SYNPR: variants seen among roughly 807,000 people sequenced by gnomAD.
SYNPR encodes synaptoporin.
In SYNPR, 23 loss-of-function variants were observed where a neutral mutation model predicts 32.9. The observed-to-expected ratio is 0.70, with a 90% CI of 0.50 to 0.99. The LOEUF (loss-of-function observed/expected upper bound fraction) is 0.99. Among genes scored for constraint, SYNPR ranks in the 50% least tolerant of loss-of-function variants. The pLI is 0.00. For missense variants in SYNPR, 318 were observed against 349.3 expected, an observed-to-expected ratio of 0.91 and a Z score of 0.71; for synonymous variants, 146 against 135.9, an observed-to-expected ratio of 1.07 and a Z score of -0.52.
At chr3:63,611,615 T>C (rs2106907286) in intron 5 of SYNPR, among the ~76,000 whole-genome samples, 1 of 152,346 alleles carries the variant, frequency 6.6e-6, no homozygotes, top group East Asian at 1.9e-4. Flanking sequence ...CTCATCTCTC[T>C]TTCTTTCTGT....
chr3:63,545,305 G>C lies in SYNPR; in HGVS notation c.210-11238G>C, dbSNP rs150238231. ...ATTTTCAGCACTAGGTCACCAAAGTGATGGGGTTTAGTAAATCTTAACATT... is the reference window on the plus strand; with the variant it reads ...ATTTTCAGCACTAGGTCACCAAAGTCATGGGGTTTAGTAAATCTTAACATT... On this transcript the variant is annotated intron_variant, in intron 3 of 5. Coordinates refer to ENST00000478300, the MANE Select transcript of SYNPR (RefSeq NM_001130003.2). The C allele has an allele frequency of 4.7e-4, 71 of 152,220 alleles. No homozygotes were observed. In the East Asian group the frequency reaches 0.012, roughly 26 times the overall value. The allele number at this position is 152,220 out of a possible 1,614,324, so 9.4% of individuals were successfully genotyped here.
At chr3:63,560,839 C>T (rs1040175140) in intron 4 of SYNPR, among the ~76,000 whole-genome samples, 1 of 152,176 alleles carries the variant, frequency 6.6e-6, no homozygotes. Context: ...CACCTCCCAC[C>T]AGGTCTCTCC....
chr3:63,419,454 A>G (rs769771524), intron 2 of SYNPR, among the ~76,000 whole-genome samples: 3 of 152,216 alleles, frequency 2.0e-5, no homozygotes, highest in African/African-American at 4.8e-5. Flanking sequence ...TTGGTGACAG[A>G]GCTACCCCAA....
intron 4 of SYNPR, among the ~76,000 whole-genome samples, chr3:63,596,364 T>C (rs1445519937): frequency 7.1e-6 from 1 of 140,954 alleles, no homozygotes; most frequent in Non-Finnish European, 1.5e-5. Context: ...CCTCCTCCTG[T>C]CTCCCCCTCT....
intron 4 of SYNPR, among the ~76,000 whole-genome samples, chr3:63,598,447 G>A (rs148030275): frequency 2.0e-5 from 3 of 152,306 alleles, no homozygotes; most frequent in South Asian, 4.1e-4. Context: ...AAACCAGGCT[G>A]CTTCCTTGAT....
chr3:63,531,838 C>A (rs1702117996), intron 3 of SYNPR, among the ~76,000 whole-genome samples: 1 of 152,114 alleles, frequency 6.6e-6, no homozygotes, highest in South Asian at 2.1e-4. Flanking sequence ...CTGAACCTAG[C>A]TGTAAACTTA....
At chr3:63,473,414 T>C (rs979817826) in intron 2 of SYNPR, among the ~76,000 whole-genome samples, 2 of 152,176 alleles carry the variant, frequency 1.3e-5, no homozygotes, top group Non-Finnish European at 2.9e-5. Context: ...ATTGATTGTA[T>C]TTCTTTTTAG....
chr3:63,593,717 C>G (rs1308445015), intron 4 of SYNPR, among the ~76,000 whole-genome samples: 1 of 152,182 alleles, frequency 6.6e-6, no homozygotes, highest in Non-Finnish European at 1.5e-5. Flanking sequence ...AGATGATTGA[C>G]TATTACCCAG....
At position 63,377,534 on chromosome 3, in the gene SYNPR, T is replaced by G. The variant is rs536775131; in HGVS notation, c.84+98792T>G. ...TTTTATGGAATCCCATACTTTGAGT[T>G]AAGATCTTTCTTTCAGTATGCTACC... On this transcript the variant is annotated intron_variant, in intron 2 of 5. Coordinates refer to ENST00000478300, the MANE Select transcript of SYNPR (RefSeq NM_001130003.2). Among the ~76,000 whole-genome samples, 7 of 152,214 alleles carry G rather than the reference T, an allele frequency of 4.6e-5. No individual in the cohort carries two copies. The South Asian group carries it at 1.4e-3, about 32-fold the overall frequency.
chr3:63,252,872 C>G (rs2086345669), intron 2 of SYNPR, among the ~76,000 whole-genome samples: 1 of 151,926 alleles, frequency 6.6e-6, no homozygotes, highest in African/African-American at 2.4e-5. Flanking sequence ...GAAACTGTCT[C>G]TACTAAAAAT....
chr3:63,283,555 A>T (rs2086650663), intron 2 of SYNPR, among the ~76,000 whole-genome samples: 2 of 152,114 alleles, frequency 1.3e-5, no homozygotes, highest in Non-Finnish European at 2.9e-5. Context: ...TGTATATATT[A>T]AACTTACCCT....
At chr3:63,540,244 T>C (rs922796695) in intron 3 of SYNPR, among the ~76,000 whole-genome samples, 2 of 152,130 alleles carry the variant, frequency 1.3e-5, no homozygotes, top group African/African-American at 4.8e-5. Context: ...CCTTAATTAT[T>C]AGGTAGCAAA....
chr3:63,530,552 T>A (rs182101583), intron 3 of SYNPR, among the ~76,000 whole-genome samples: 1 of 152,212 alleles, frequency 6.6e-6, no homozygotes, highest in South Asian at 2.1e-4. Context: ...AAGTAGCAGA[T>A]GGGAAGCATG....
Position 63,536,332 on chromosome 3 carries a change from G to A in SYNPR, c.210-20211G>A, listed in dbSNP as rs188117747. Among the ~76,000 whole-genome samples the A allele has an allele frequency of 7.2e-5, 11 of 152,156 alleles. No homozygotes were observed. In the East Asian group the frequency reaches 2.1e-3, roughly 29 times the overall value. On this transcript the variant is annotated intron_variant, in intron 3 of 5. Transcript: ENST00000478300. The stretch of plus-strand genomic sequence containing the variant: ...ACTTGAGTAGACATTCATCCAAGAA[G>A]ATATACAAATAGCCAAAAAGCACAT...
chr3:63,203,066 G>GTGTGTGTA, the SYNPR span, among the ~76,000 whole-genome samples: 206 of 12,214 alleles, frequency 0.017, 9 homozygotes, highest in African/African-American at 0.047. Context: ...ATATATGTAT[G>GTGTGTGTA]TGTATATATA....
At chr3:63,323,444 A>G (rs570537323) in intron 2 of SYNPR, among the ~76,000 whole-genome samples, 1 of 152,240 alleles carries the variant, frequency 6.6e-6, no homozygotes, top group Admixed American at 6.5e-5. Context: ...GTTAATATGA[A>G]GATTAAATCC....
At chr3:63,547,263 T>G (rs1179821359) in intron 3 of SYNPR, among the ~76,000 whole-genome samples, 1 of 152,138 alleles carries the variant, frequency 6.6e-6, no homozygotes, top group East Asian at 1.9e-4. Context: ...ATTCCCCCTT[T>G]GCAAACTGAA....
At position 63,523,449 on chromosome 3, in the gene SYNPR, GCTCT is replaced by G. The variant is rs1192243198; in HGVS notation, c.210-33087_210-33084del. ...TTGAAAAGTGGTCACAGCCCCATCA[GCTCT>G]CTCTCTGTCTCCCCTGGCCACCCCC... On this transcript the variant is annotated intron_variant, in intron 3 of 5. Transcript: ENST00000478300. Among the ~76,000 whole-genome samples the G allele has an allele frequency of 2.6e-5, 4 of 152,128 alleles. No individual in the cohort carries two copies. In the East Asian group the frequency reaches 7.7e-4, roughly 29 times the overall value.
chr3:63,426,834 T>G (rs1458300441), intron 2 of SYNPR: 1 of 152,206 alleles, frequency 6.6e-6, no homozygotes, highest in African/African-American at 2.4e-5. Flanking sequence ...AGCTAAAGTT[T>G]TTCCACTGCA....
Sources: allele counts gnomAD v4.1 joint callset (sites outside exome capture counted in the v4.1 genomes callset), GRCh38; gene constraint gnomAD v4.1.1; transcripts MANE v1.5; gene names NCBI Gene and HGNC (gene_info 2026-07-23, HGNC 2026-07-21).